The following NR2F1-AS1 variants were observed in gnomAD, a reference collection of about 807,000 sequenced individuals.
NR2F1-AS1 encodes the protein NR2F1 antisense RNA 1.
intron 1 of NR2F1-AS1, among the ~76,000 whole-genome samples, chr5:93,575,461 T>C (rs1752874832): frequency 6.6e-6 from 1 of 152,272 alleles, no homozygotes; most frequent in Non-Finnish European, 1.5e-5. Flanking sequence ...GTCTATAGCA[T>C]GTAAAACTTT....
intron 4 of NR2F1-AS1, among the ~76,000 whole-genome samples, chr5:93,463,416 C>T (rs1204574186): frequency 2.0e-5 from 3 of 152,166 alleles, no homozygotes; most frequent in Non-Finnish European, 4.4e-5. Flanking sequence ...TGAGGTGGGG[C>T]CCTCATGGAG....
intron 2 of NR2F1-AS1, among the ~76,000 whole-genome samples, chr5:93,561,679 G>A (rs967300664): frequency 4.6e-5 from 7 of 151,860 alleles, no homozygotes; most frequent in African/African-American, 7.3e-5. Context: ...AGACTGAGGC[G>A]GAAGGATCAC....
At chr5:93,550,208 C>T (rs1286534040) in intron 4 of NR2F1-AS1, among the ~76,000 whole-genome samples, 1 of 151,902 alleles carries the variant, frequency 6.6e-6, no homozygotes, top group African/African-American at 2.4e-5. Context: ...TTCTACTACT[C>T]AGTTGCCAGT....
intron 4 of NR2F1-AS1, among the ~76,000 whole-genome samples, chr5:93,450,914 CAAAAAAAAAAAAAA>C (rs60895927): frequency 3.7e-5 from 2 of 54,048 alleles, no homozygotes; most frequent in South Asian, 9.9e-4. Flanking sequence ...GAATCTGCTT[CAAAAAAAAAAAAAA>C]AAAAAAAAAA....
intron 4 of NR2F1-AS1, among the ~76,000 whole-genome samples, chr5:93,423,643 A>G (rs1749136455): frequency 6.6e-6 from 1 of 152,246 alleles, no homozygotes; most frequent in South Asian, 2.1e-4. Context: ...AAGTAGTACA[A>G]TTACAAATCT....
intron 4 of NR2F1-AS1, among the ~76,000 whole-genome samples, chr5:93,436,991 A>C (rs1749446430): frequency 6.6e-6 from 1 of 152,072 alleles, no homozygotes; most frequent in Non-Finnish European, 1.5e-5. Flanking sequence ...TCTCCAAAAA[A>C]AAAAAAAAAT....
chr5:93,488,922 A>G (rs1333123077), intron 4 of NR2F1-AS1, among the ~76,000 whole-genome samples: 1 of 152,226 alleles, frequency 6.6e-6, no homozygotes, highest in Non-Finnish European at 1.5e-5. Flanking sequence ...GCAGCCATAA[A>G]AAAGGATGAG....
chr5:93,497,118 T>C (rs1379113301), intron 4 of NR2F1-AS1, among the ~76,000 whole-genome samples: 1 of 152,042 alleles, frequency 6.6e-6, no homozygotes, highest in East Asian at 1.9e-4. Context: ...AATTCCTCCA[T>C]ATGCTTCAGT....
chr5:93,520,199 A>C (rs945302831), intron 4 of NR2F1-AS1, among the ~76,000 whole-genome samples: 1 of 152,100 alleles, frequency 6.6e-6, no homozygotes, highest in Admixed American at 6.6e-5. Flanking sequence ...AGTTTGCTTA[A>C]ATTTTAGTTT....
chr5:93,556,297 T>C (rs916752342), intron 2 of NR2F1-AS1, among the ~76,000 whole-genome samples: 2 of 152,202 alleles, frequency 1.3e-5, no homozygotes, highest in African/African-American at 4.8e-5. Flanking sequence ...CTACAGTTTT[T>C]ATATAAGAAC....
At chr5:93,550,638 GA>G (rs1292390085) in intron 4 of NR2F1-AS1, among the ~76,000 whole-genome samples, 1 of 152,102 alleles carries the variant, frequency 6.6e-6, no homozygotes, top group Non-Finnish European at 1.5e-5. Context: ...TTTTTAATCT[GA>G]AAAATAACAT....
chr5:93,578,087 G>T (rs1186167140), intron 1 of NR2F1-AS1, among the ~76,000 whole-genome samples: 2 of 152,168 alleles, frequency 1.3e-5, no homozygotes, highest in African/African-American at 4.8e-5. Context: ...AGTGAAAAAT[G>T]GTTCAGCCTC....
intron 4 of NR2F1-AS1, among the ~76,000 whole-genome samples, chr5:93,433,076 C>A (rs1749359299): frequency 6.6e-6 from 1 of 152,156 alleles, no homozygotes; most frequent in South Asian, 2.1e-4. Flanking sequence ...TATGCCATGA[C>A]CACCCCTTAT....
At chr5:93,484,778 C>CAAAA (rs61083284) in intron 4 of NR2F1-AS1, among the ~76,000 whole-genome samples, 16 of 84,316 alleles carry the variant, frequency 1.9e-4, no homozygotes, top group African/African-American at 5.7e-4. Flanking sequence ...AAATGGAAAG[C>CAAAA]AAAAAAAAAA....
At chr5:93,515,261 T>G (rs1212842787) in intron 4 of NR2F1-AS1, among the ~76,000 whole-genome samples, 1 of 151,960 alleles carries the variant, frequency 6.6e-6, no homozygotes, top group Non-Finnish European at 1.5e-5. Flanking sequence ...CAAAATTGCT[T>G]AAGTTTACCT....
chr5:93,577,219 C>A (rs1408958004), intron 1 of NR2F1-AS1, among the ~76,000 whole-genome samples: 1 of 152,254 alleles, frequency 6.6e-6, no homozygotes, highest in Non-Finnish European at 1.5e-5. Context: ...TCCCTTATCT[C>A]TCTTTTTCAA....
intron 4 of NR2F1-AS1, among the ~76,000 whole-genome samples, chr5:93,519,629 A>C (rs775992385): frequency 8.6e-5 from 13 of 151,994 alleles, no homozygotes; most frequent in Middle Eastern, 3.4e-3. Context: ...TTTCCAAAGG[A>C]CCTCTAAAAC....
At chr5:93,478,583 T>C (rs950489290) in intron 4 of NR2F1-AS1, among the ~76,000 whole-genome samples, 1 of 152,070 alleles carries the variant, frequency 6.6e-6, no homozygotes, top group African/African-American at 2.4e-5. Context: ...TTTGTATTTT[T>C]AGTAGAGATG....
chr5:93,568,259 G>A (rs1231429302), intron 1 of NR2F1-AS1, among the ~76,000 whole-genome samples: 1 of 151,986 alleles, frequency 6.6e-6, no homozygotes, highest in East Asian at 1.9e-4. Context: ...AGATAAATGT[G>A]GTTTTCTTTT....
Sources: allele counts gnomAD v4.1 joint callset (sites outside exome capture counted in the v4.1 genomes callset), GRCh38; gene constraint gnomAD v4.1.1; transcripts MANE v1.5; gene names NCBI Gene and HGNC (gene_info 2026-07-23, HGNC 2026-07-21).